The following STXBP6 variants were observed in gnomAD, a reference collection of about 807,000 sequenced individuals.
STXBP6 encodes syntaxin-binding protein 6.
A neutral mutation model predicts 26.9 loss-of-function variants in STXBP6; 21 were observed. That is an observed-to-expected ratio of 0.78 (90% CI 0.55 to 1.12). The LOEUF is 1.12. Among genes scored for constraint, STXBP6 ranks in the 50% most tolerant of loss-of-function variants. The pLI is 0.00. For missense variants in STXBP6, 232 were observed against 257.9 expected, an observed-to-expected ratio of 0.90 and a Z score of 0.69; for synonymous variants, 97 against 92.6, an observed-to-expected ratio of 1.05 and a Z score of -0.27.
chr14:24,961,191 C>T (rs2073524701), intron 2 of STXBP6, among the ~76,000 whole-genome samples: 1 of 152,098 alleles, frequency 6.6e-6, no homozygotes, highest in Admixed American at 6.5e-5. Flanking sequence ...TACCACATGT[C>T]ACTTTTAAGT....
chr14:24,821,500 T>C (rs1041795853), intron 4 of STXBP6, among the ~76,000 whole-genome samples: 5 of 152,212 alleles, frequency 3.3e-5, no homozygotes, highest in African/African-American at 9.6e-5. Flanking sequence ...GTCTTCACTG[T>C]TGAAAGATGA....
intron 2 of STXBP6, 124 bp from the exon 3 acceptor site, chr14:24,857,281 G>T: frequency 7.9e-7 from 1 of 1,259,338 alleles, no homozygotes; most frequent in Non-Finnish European, 1.1e-6. Context: ...GGCAGAGGGG[G>T]AAAGGAGGGA....
intron 4 of STXBP6, among the ~76,000 whole-genome samples, chr14:24,849,725 G>A (rs1021276873): frequency 5.3e-5 from 8 of 152,122 alleles, no homozygotes; most frequent in African/African-American, 1.4e-4. Context: ...TGTCACAACA[G>A]TGAATCAGCT....
At chr14:24,990,476 T>C (rs1683470848) in intron 1 of STXBP6, among the ~76,000 whole-genome samples, 2 of 151,984 alleles carry the variant, frequency 1.3e-5, no homozygotes, top group Admixed American at 6.6e-5. Context: ...CTGACTAACA[T>C]GGCAAAACCC....
intron 4 of STXBP6, among the ~76,000 whole-genome samples, chr14:24,848,089 A>G (rs1402829401): frequency 1.3e-5 from 2 of 152,178 alleles, no homozygotes; most frequent in African/African-American, 4.8e-5. Context: ...TCAGAAGAAA[A>G]GGCTTTTGAT....
intron 2 of STXBP6, among the ~76,000 whole-genome samples, chr14:24,951,202 G>A (rs535606190): frequency 3.9e-5 from 6 of 152,254 alleles, no homozygotes; most frequent in South Asian, 4.1e-4. Context: ...ATAAACATAC[G>A]TGTGCATGTG....
chr14:24,950,986 C>A lies in STXBP6; in HGVS notation c.154+23679G>T, dbSNP rs144005238. Among the ~76,000 whole-genome samples, 253 of 151,970 alleles carry A rather than the reference C, an allele frequency of 1.7e-3. 14 individuals carry two copies. Among genetic ancestry groups the A allele is most frequent in the Non-Finnish European group, 1.4e-3 (92 of 67,988 alleles). ...ACTCCCATTTATGAGTGAGAGCATG[C>A]GGTTTTGGTTTTCTGTTCTTGTGTT... On this transcript the variant is annotated intron_variant, in intron 2 of 5. Transcript: ENST00000323944.
intron 2 of STXBP6, among the ~76,000 whole-genome samples, chr14:24,959,315 G>T (rs1457579391): frequency 2.6e-5 from 4 of 152,106 alleles, no homozygotes; most frequent in African/African-American, 9.7e-5. Flanking sequence ...GGCCAAGCAT[G>T]GTGGTTTGCA....
At chr14:25,035,613 G>A (rs1168648941) in intron 1 of STXBP6, among the ~76,000 whole-genome samples, 1 of 152,060 alleles carries the variant, frequency 6.6e-6, no homozygotes, top group Non-Finnish European at 1.5e-5. Context: ...TTCTTTACAG[G>A]AATTAAATGT....
intron 1 of STXBP6, among the ~76,000 whole-genome samples, chr14:25,026,069 C>T (rs2094659): frequency 0.12 from 18,779 of 152,112 alleles, 1,236 homozygotes; most frequent in African/African-American, 0.14. Context: ...GATTATCCTG[C>T]CAAACTTAGG....
At chr14:24,899,758 A>G (rs2071134931) in intron 2 of STXBP6, among the ~76,000 whole-genome samples, 1 of 149,726 alleles carries the variant, frequency 6.7e-6, no homozygotes, top group East Asian at 2.0e-4. Context: ...TCTAGCCTGT[A>G]AAACAGAGCG....
At chr14:25,038,150 C>T (rs568917825) in intron 1 of STXBP6, among the ~76,000 whole-genome samples, 3 of 152,148 alleles carry the variant, frequency 2.0e-5, no homozygotes, top group Admixed American at 6.5e-5. Context: ...TGGTGATAAG[C>T]GAAAGACAAG....
chr14:24,923,048 A>T (rs539242384), intron 2 of STXBP6, among the ~76,000 whole-genome samples: 1 of 152,176 alleles, frequency 6.6e-6, no homozygotes, highest in Non-Finnish European at 1.5e-5. Flanking sequence ...ACCCAATATA[A>T]GAAATAACCC....
At chr14:24,841,739 G>T (rs1438546718) in intron 4 of STXBP6, among the ~76,000 whole-genome samples, 3 of 152,066 alleles carry the variant, frequency 2.0e-5, no homozygotes, top group Non-Finnish European at 4.4e-5. Flanking sequence ...TCATTTCCAG[G>T]ATTATTTTTT....
At chr14:24,926,255 C>T (rs1044324560) in intron 2 of STXBP6, among the ~76,000 whole-genome samples, 4 of 152,032 alleles carry the variant, frequency 2.6e-5, no homozygotes, top group East Asian at 3.9e-4. Context: ...GGGAGCAGAA[C>T]GCTAGGGGAA....
chr14:25,019,153 G>C (rs1018334436), intron 1 of STXBP6, among the ~76,000 whole-genome samples: 7 of 152,160 alleles, frequency 4.6e-5, no homozygotes, highest in African/African-American at 7.2e-5. Flanking sequence ...GAACAAAGCA[G>C]GTAATTCAGT....
chr14:25,010,119 T>C (rs2074996680), intron 1 of STXBP6, among the ~76,000 whole-genome samples: 1 of 152,206 alleles, frequency 6.6e-6, no homozygotes, highest in Admixed American at 6.5e-5. Context: ...CATGCATTCC[T>C]GGAATTCTGA....
chr14:24,883,275 CTT>C (rs1383943946), intron 2 of STXBP6, among the ~76,000 whole-genome samples: 3 of 150,630 alleles, frequency 2.0e-5, no homozygotes, highest in Admixed American at 6.6e-5. Flanking sequence ...AAAATACACT[CTT>C]TATTTTAGAA....
intron 2 of STXBP6, among the ~76,000 whole-genome samples, chr14:24,861,205 C>T (rs1261135928): frequency 1.3e-5 from 2 of 152,054 alleles, no homozygotes; most frequent in African/African-American, 2.4e-5. Context: ...AGTGAAGGTC[C>T]GTGTTGTGTG....
Sources: gnomAD v4.1 joint callset for allele counts (sites outside exome capture counted in the v4.1 genomes callset) on GRCh38, gnomAD v4.1.1 for gene constraint, MANE v1.5 for transcripts, NCBI Gene and HGNC (gene_info 2026-07-23, HGNC 2026-07-21) for gene names.